Variants in TTC21B observed in about 807,000 individuals in gnomAD.
TTC21B encodes tetratricopeptide repeat domain 21B.
Under a neutral mutation model 175.1 loss-of-function variants are expected in TTC21B, and 127 were observed. The ratio of observed to expected loss-of-function variants is 0.73; its 90% confidence interval spans 0.63 to 0.84. The LOEUF (loss-of-function observed/expected upper bound fraction) is 0.84, where lower values mean the gene tolerates loss of function less well. Among genes scored for constraint, TTC21B ranks in the 40% least tolerant of loss-of-function variants. TTC21B has a pLI of 0.00. For missense variants in TTC21B, 1,561 were observed against 1,558.3 expected (o/e 1.00, Z -0.03); for synonymous variants, 524 against 524.5 (o/e 1.00, Z 0.01).
chr2:165,881,252 G>C (rs1268029417), intron 26 of TTC21B, among the ~76,000 whole-genome samples: 1 of 152,124 alleles, frequency 6.6e-6, no homozygotes, highest in Non-Finnish European at 1.5e-5. Flanking sequence ...AAATGTGTTA[G>C]TGTGCATCTG....
In TTC21B at chr2:165,920,631, A is replaced by C. The variant is rs184777038; in HGVS notation, c.1517-1198T>G. On this transcript the variant is annotated intron_variant, in intron 12 of 28. Coordinates refer to ENST00000243344, the MANE Select transcript of TTC21B (RefSeq NM_024753.5). ...GTTGTACTAACAGGAGAAAGTGCAT[A>C]GAGAATTAGGGTTTGCAACTAAGAG... Among the ~76,000 whole-genome samples, 43 of 152,306 alleles carry C rather than the reference A, an allele frequency of 2.8e-4. No individual in the cohort carries two copies. In the East Asian group the frequency reaches 7.4e-3, roughly 26 times the overall value.
At chr2:165,946,698 G>A (rs771434405) in intron 3 of TTC21B, among the ~76,000 whole-genome samples, 4 of 151,986 alleles carry the variant, frequency 2.6e-5, no homozygotes, top group Non-Finnish European at 4.4e-5. Flanking sequence ...ATAGATGGGC[G>A]TGGTGGTGGG....
chr2:165,876,127 T>A, intron 28 of TTC21B, 38 bp downstream of exon 28: 1 of 1,220,432 alleles, frequency 8.2e-7, no homozygotes, highest in Non-Finnish European at 1.2e-6. Flanking sequence ...AAATTGTGCA[T>A]CTGAAAAATT....
intron 1 of TTC21B, among the ~76,000 whole-genome samples, chr2:165,950,684 C>T (rs1253724528): frequency 6.6e-6 from 1 of 152,162 alleles, no homozygotes; most frequent in African/African-American, 2.4e-5. Context: ...AATCTCTGCT[C>T]ACTGCAATCT....
In TTC21B at chr2:165,945,680, A is replaced by G. The variant is rs1477469201; in HGVS notation, c.273T>C (p.Ala91=). The G allele has an allele frequency of 6.2e-7, 1 of 1,613,020 alleles. No homozygotes were observed. The highest frequency in any genetic ancestry group is 1.3e-5 in the African/African-American group (1 of 74,894). ...TCACTCTGGCATCTGATTCCAGAAT[A>G]GCTTCTCTATCTGGTAGGGGAAAAT... The part of the protein sequence containing the change: ...HKMSPNPDRE[A]ILESDARVKE... Residue 91 remains alanine, a synonymous_variant, in exon 4 of 29, where the codon GCT becomes GCC. Transcript: ENST00000243344.
At position 165,941,046 on chromosome 2, in the gene TTC21B, T is replaced by A. The variant is rs149925563; in HGVS notation, c.691A>T (p.Thr231Ser). 1.1e-3 allele frequency: 1,809 copies of A among 1,613,962 alleles called. 11 individuals carry two copies. Among genetic ancestry groups the A allele is most frequent in the Middle Eastern group, 4.1e-3 (25 of 6,062 alleles). Reference protein sequence around the residue: ...LQLALQDWDQTVETAQRLLLQ... With the variant: ...LQLALQDWDQSVETAQRLLLQ... ...CTTAACCTTTGTGCTGTCTCAACTG[T>A]CTGGTCCCAATCCTGCAAGGCTAGT... The change falls in exon 6 of 29, where the codon ACA (threonine) becomes TCA (serine). Residue 231 changes from threonine (T) to serine (S), a missense_variant. Thr to Ser is a moderately conservative substitution (Grantham distance 58). Transcript: ENST00000243344.
chr2:165,887,463 CG>C (rs1349802273), intron 25 of TTC21B, among the ~76,000 whole-genome samples: 1 of 151,878 alleles, frequency 6.6e-6, no homozygotes, highest in Non-Finnish European at 1.5e-5. Flanking sequence ...CCGAGATAGG[CG>C]GATCACCTGA....
chr2:165,882,820 T>C (rs1559037661), intron 26 of TTC21B, among the ~76,000 whole-genome samples: 1 of 152,208 alleles, frequency 6.6e-6, no homozygotes, highest in Non-Finnish European at 1.5e-5. Context: ...GAAATTCTCA[T>C]GCAATCTTGG....
chr2:165,908,680 T>C (rs1237848226), intron 18 of TTC21B, among the ~76,000 whole-genome samples: 1 of 152,150 alleles, frequency 6.6e-6, no homozygotes, highest in Non-Finnish European at 1.5e-5. Context: ...TGAGATAATG[T>C]ATGAAACGTA....
rs376048812 is a variant in TTC21B, at chr2:165,921,121, T to C, written c.1517-1688A>G. Among the ~76,000 whole-genome samples the C allele has an allele frequency of 3.9e-5, 6 of 152,262 alleles. No homozygotes were observed. In the East Asian group the frequency reaches 5.8e-4, roughly 15 times the overall value. ...TCATGGTGTGCCCCTGGATAGTTTATGCTAAAGATATGACTTGGAATGGGG... is the reference window on the plus strand; with the variant it reads ...TCATGGTGTGCCCCTGGATAGTTTACGCTAAAGATATGACTTGGAATGGGG... On this transcript the variant is annotated intron_variant, in intron 12 of 28. Transcript: ENST00000243344.
At chr2:165,918,093 G>C (rs1410848612) in intron 13 of TTC21B, among the ~76,000 whole-genome samples, 1 of 152,178 alleles carries the variant, frequency 6.6e-6, no homozygotes, top group Admixed American at 6.5e-5. Context: ...CAGCCACCTA[G>C]CGATTAGGAA....
chr2:165,900,904 CTTTTTTTTTTT>C lies in TTC21B; in HGVS notation c.2757+807_2757+817del, dbSNP rs34392684. On this transcript the variant is annotated intron_variant, in intron 20 of 28. Coordinates refer to ENST00000243344, the MANE Select transcript of TTC21B (RefSeq NM_024753.5). ...TAATTGTAATGTTCTTTTTTCTTTT[CTTTTTTTTTTT>C]TTTTGAGACAGGGTATTGCTTTGTT... 1.1e-4 allele frequency among the ~76,000 whole-genome samples: 15 copies of C among 135,724 alleles called. No homozygotes were observed. The East Asian group carries it at 3.2e-3, about 29-fold the overall frequency. The allele number at this position is 135,724 out of a possible 152,430, so 89.0% of individuals were successfully genotyped here.
chr2:165,888,437 C>A lies in TTC21B; in HGVS notation c.3301G>T (p.Val1101Leu). 6.2e-7 allele frequency: 1 copy of A among 1,613,814 alleles called. No individual in the cohort carries two copies. The highest frequency in any genetic ancestry group is 1.1e-5 in the South Asian group (1 of 91,080). ...TTAAGAAGTTTTTCTGCTGTTCTTA[C>A]TGCCAGTTGCACAGATTCTTGCTTC... ...TEKQESVQLAVRTAEKLLKEL... is the reference protein window; with the variant it reads ...TEKQESVQLALRTAEKLLKEL... The change falls in exon 25 of 29, where the codon GTA (valine) becomes TTA (leucine). Residue 1101 changes from valine (V) to leucine (L), a missense_variant. Val to Leu is a conservative substitution (Grantham distance 32). Transcript: ENST00000243344.
chr2:165,883,763 A>G (rs1447860957), intron 26 of TTC21B, 31 bp downstream of exon 26: 4 of 1,531,896 alleles, frequency 2.6e-6, no homozygotes, highest in South Asian at 1.1e-5. Flanking sequence ...AACAAAGGTC[A>G]ATAATTATTT....
intron 6 of TTC21B, among the ~76,000 whole-genome samples, chr2:165,934,500 C>CAAAAAAAAAAAAAAAAA (rs369089707): frequency 9.7e-5 from 7 of 71,864 alleles, no homozygotes; most frequent in East Asian, 5.0e-4. Context: ...GACTCTGTCT[C>CAAAAAAAAAAAAAAAAA]AAAAAAAAAA....
At chr2:165,899,230 ATATTTCTTTTTAACCAC>A (rs1685471414) in intron 21 of TTC21B, among the ~76,000 whole-genome samples, 1 of 152,220 alleles carries the variant, frequency 6.6e-6, no homozygotes, top group Non-Finnish European at 1.5e-5. Flanking sequence ...CAGATTTCAT[ATATTTCTTTTTAACCAC>A]AATAACCTTA....
intron 23 of TTC21B, 70 bp downstream of exon 23, chr2:165,890,768 A>C (rs1300926711): frequency 1.3e-6 from 2 of 1,558,890 alleles, no homozygotes; most frequent in Non-Finnish European, 1.8e-6. Flanking sequence ...TACTACAAAG[A>C]AAAGCTTATT....
intron 4 of TTC21B, 125 bp downstream of exon 4, chr2:165,945,399 G>C (rs530296577): frequency 9.3e-6 from 8 of 855,762 alleles, no homozygotes; most frequent in African/African-American, 3.4e-5. Context: ...TTAAAATAAA[G>C]CTGTTATTTA....
chr2:165,916,858 T>G (rs1469119302), intron 14 of TTC21B, among the ~76,000 whole-genome samples: 1 of 152,098 alleles, frequency 6.6e-6, no homozygotes, highest in African/African-American at 2.4e-5. Context: ...TACCACCTGG[T>G]CAAGGGAATA....
Sources: allele counts gnomAD v4.1 joint callset (sites outside exome capture counted in the v4.1 genomes callset), GRCh38; gene constraint gnomAD v4.1.1; transcripts MANE v1.5; gene names NCBI Gene and HGNC (gene_info 2026-07-23, HGNC 2026-07-21).